ACTR3C: variants seen among roughly 807,000 people sequenced by gnomAD.
The protein encoded by ACTR3C is actin-related protein 3C.
In ACTR3C, 18 loss-of-function variants were observed where a neutral mutation model predicts 26.3. That is an observed-to-expected ratio of 0.68 (90% confidence interval 0.47 to 1.01). ACTR3C has a LOEUF of 1.01. Ranked by LOEUF, ACTR3C falls within the 50% of genes least tolerant of loss-of-function variation. The pLI, the probability that ACTR3C is intolerant of heterozygous loss-of-function variation, is 0.00. For synonymous variants in ACTR3C, 55 were observed against 94.5 expected (o/e 0.58, Z 2.42); for missense variants, 184 against 250.7 (o/e 0.73, Z 1.80).
At chr7:149,898,988 C>G in the ACTR3C span, among the ~76,000 whole-genome samples, 1 of 152,076 alleles carries the variant, frequency 6.6e-6, no homozygotes, top group Non-Finnish European at 1.5e-5. Context: ...CCCACTTCCA[C>G]CCCGGCCCAG....
At chr7:150,322,159 G>A (rs1231848730) in intron 1 of ACTR3C, among the ~76,000 whole-genome samples, 2 of 152,216 alleles carry the variant, frequency 1.3e-5, no homozygotes, top group Non-Finnish European at 2.9e-5. Context: ...ATGTTCTCTG[G>A]GTTAGGTGTT....
At chr7:150,029,269 C>T in the ACTR3C span, among the ~76,000 whole-genome samples, 14 of 151,896 alleles carry the variant, frequency 9.2e-5, no homozygotes, top group East Asian at 5.8e-4. Context: ...CAACTTCAAA[C>T]GAGTCTCTTG....
At chr7:150,298,201 C>T (rs185347992) in intron 1 of ACTR3C, among the ~76,000 whole-genome samples, 1 of 150,516 alleles carries the variant, frequency 6.6e-6, no homozygotes, top group African/African-American at 2.5e-5. Flanking sequence ...TACCCCTAAA[C>T]AAATACAGGG....
At chr7:150,059,159 T>C in the ACTR3C span, among the ~76,000 whole-genome samples, 1 of 152,158 alleles carries the variant, frequency 6.6e-6, no homozygotes, top group Non-Finnish European at 1.5e-5. Flanking sequence ...CCAGGATAGG[T>C]CGCTAAGCAT....
At chr7:150,045,212 T>TC in the ACTR3C span, 1 of 152,250 alleles carries the variant, frequency 6.6e-6, no homozygotes, top group Admixed American at 6.5e-5. Flanking sequence ...TTTTTGTTTT[T>TC]GTTTTTCAAT....
At chr7:150,003,999 A>T in the ACTR3C span, among the ~76,000 whole-genome samples, 1 of 149,496 alleles carries the variant, frequency 6.7e-6, no homozygotes, top group Admixed American at 6.6e-5. Context: ...TGTGGTGTGT[A>T]GGTTGTGTGG....
chr7:150,239,538 CTCTATATA>C (rs1352912641), downstream of ACTR3C, among the ~76,000 whole-genome samples: 10 of 104,260 alleles, frequency 9.6e-5, no homozygotes, highest in African/African-American at 3.8e-4. Context: ...CTCTCTCTCT[CTCTATATA>C]TATATATATA....
chr7:150,043,173 C>T, the ACTR3C span, among the ~76,000 whole-genome samples: 244 of 150,446 alleles, frequency 1.6e-3, 1 homozygote, highest in East Asian at 3.7e-3. Context: ...GTAAATCCCA[C>T]GCAAGGTACC....
the ACTR3C span, among the ~76,000 whole-genome samples, chr7:150,075,605 G>C: frequency 6.6e-6 from 1 of 152,196 alleles, no homozygotes; most frequent in African/African-American, 2.4e-5. Flanking sequence ...CTATTTTAGA[G>C]CTGCCTCCTC....
At chr7:149,914,255 T>A in the ACTR3C span, among the ~76,000 whole-genome samples, 1 of 151,780 alleles carries the variant, frequency 6.6e-6, no homozygotes, top group African/African-American at 2.4e-5. Flanking sequence ...TGAAAAAAAA[T>A]AATGTAGGAA....
the ACTR3C span, among the ~76,000 whole-genome samples, chr7:150,118,038 G>A: frequency 7.2e-5 from 11 of 152,186 alleles, no homozygotes; most frequent in African/African-American, 2.6e-4. Context: ...GAATAGCATC[G>A]ACATAAACAA....
intron 6 of ACTR3C, among the ~76,000 whole-genome samples, chr7:150,265,362 T>C (rs1186210390): frequency 2.7e-5 from 4 of 150,078 alleles, no homozygotes; most frequent in African/African-American, 1.0e-4. Context: ...CAAATTAATG[T>C]AATAGATTTT....
chr7:150,200,160 G>A, the ACTR3C span, among the ~76,000 whole-genome samples: 1 of 152,188 alleles, frequency 6.6e-6, no homozygotes, highest in African/African-American at 2.4e-5. Flanking sequence ...TTTAACTGGT[G>A]ACCAAATTGC....
chr7:150,198,988 T>C, the ACTR3C span, among the ~76,000 whole-genome samples: 1 of 110,262 alleles, frequency 9.1e-6, no homozygotes, highest in African/African-American at 4.3e-5. Flanking sequence ...GTGGGGGGGG[T>C]CAGCCCCCCT....
At chr7:150,216,708 C>T in the ACTR3C span, among the ~76,000 whole-genome samples, 3 of 152,108 alleles carry the variant, frequency 2.0e-5, no homozygotes, top group Non-Finnish European at 2.9e-5. Context: ...GGCTGTTGGC[C>T]GGGCACGGTG....
At chr7:150,129,138 T>C in the ACTR3C span, among the ~76,000 whole-genome samples, 2 of 151,788 alleles carry the variant, frequency 1.3e-5, no homozygotes, top group African/African-American at 2.4e-5. Context: ...GAACAAACAC[T>C]AAATAATCAC....
At chr7:150,139,784 A>G in the ACTR3C span, among the ~76,000 whole-genome samples, 1 of 152,138 alleles carries the variant, frequency 6.6e-6, no homozygotes, top group East Asian at 1.9e-4. Flanking sequence ...AAGGTTGGAG[A>G]ACAGTCCTCC....
At chr7:150,131,519 C>T in the ACTR3C span, among the ~76,000 whole-genome samples, 2 of 152,072 alleles carry the variant, frequency 1.3e-5, no homozygotes, top group African/African-American at 4.8e-5. Context: ...TTACAAGAAT[C>T]TGAGGAGTAT....
the ACTR3C span, among the ~76,000 whole-genome samples, chr7:150,154,015 T>A: frequency 6.9e-6 from 1 of 144,152 alleles, no homozygotes; most frequent in Non-Finnish European, 1.5e-5. Flanking sequence ...TAGGTGGGAA[T>A]TGAACAATGA....
Sources: gnomAD v4.1 joint callset for allele counts (sites outside exome capture counted in the v4.1 genomes callset) on GRCh38, gnomAD v4.1.1 for gene constraint, MANE v1.5 for transcripts, NCBI Gene and HGNC (gene_info 2026-07-23, HGNC 2026-07-21) for gene names.